The following XPR1 variants were observed in gnomAD, a reference collection of about 807,000 sequenced individuals.
XPR1 encodes the protein solute carrier family 53 member 1.
Under a neutral mutation model 87.5 loss-of-function variants are expected in XPR1, and 28 were observed. The observed-to-expected ratio is 0.32, with a 90% CI of 0.24 to 0.44. The LOEUF (loss-of-function observed/expected upper bound fraction) is 0.44, where lower values mean the gene tolerates loss of function less well. Among genes scored for constraint, XPR1 ranks in the 20% least tolerant of loss-of-function variants. The probability of loss-of-function intolerance (pLI) is 1.00; values close to 1 mark genes in which losing one functional copy is unlikely to be tolerated. For synonymous variants in XPR1, 300 were observed against 306.1 expected (o/e 0.98, Z 0.21); for missense variants, 559 against 862.3 (o/e 0.65, Z 4.41).
At chr1:180,666,166 G>A (rs1324924252) in intron 1 of XPR1, among the ~76,000 whole-genome samples, 2 of 152,174 alleles carry the variant, frequency 1.3e-5, no homozygotes, top group Admixed American at 6.6e-5. Context: ...CTTTATGTCA[G>A]TACTATACTA....
At chr1:180,766,883 A>C (rs983961634) in intron 2 of XPR1, among the ~76,000 whole-genome samples, 1 of 152,166 alleles carries the variant, frequency 6.6e-6, no homozygotes, top group Admixed American at 6.5e-5. Flanking sequence ...CAAAAGTTTT[A>C]TTCATACCCT....
Position 180,728,305 on chromosome 1 carries a change from G to C in XPR1, c.121+45894G>C, listed in dbSNP as rs1169516551. ...AAGGAGTTGTTTATAACTGGGGGGG[G>C]GGGTAGTAATGAAAACTATGTTGAT... On this transcript the variant is annotated intron_variant, in intron 2 of 14. Transcript: ENST00000367590. 8.3e-5 allele frequency among the ~76,000 whole-genome samples: 12 copies of C among 144,172 alleles called. No individual in the cohort carries two copies. In the East Asian group the frequency reaches 2.2e-3, roughly 26 times the overall value. 94.6% of individuals were successfully genotyped at this position (144,172 alleles called of 152,430 possible). A position where few individuals can be genotyped will look rare whatever the true frequency, so the allele number is the denominator to read the frequency against.
chr1:180,804,502 AT>A (rs1440062947), intron 4 of XPR1, among the ~76,000 whole-genome samples: 8 of 152,022 alleles, frequency 5.3e-5, no homozygotes, highest in South Asian at 2.1e-4. Flanking sequence ...CTTATGCACT[AT>A]TTTTTTTCTA....
chr1:180,685,412 A>G (rs1361354132), intron 2 of XPR1, among the ~76,000 whole-genome samples: 3 of 152,170 alleles, frequency 2.0e-5, no homozygotes, highest in Non-Finnish European at 4.4e-5. Flanking sequence ...GGATTTTTGC[A>G]TCGATGTTCA....
chr1:180,652,266 T>A (rs1003801018), intron 1 of XPR1, among the ~76,000 whole-genome samples: 4 of 151,930 alleles, frequency 2.6e-5, no homozygotes, highest in African/African-American at 9.7e-5. Flanking sequence ...CACTCCAGCC[T>A]AGGAGACAGA....
chr1:180,853,966 T>C (rs573565691), intron 11 of XPR1, among the ~76,000 whole-genome samples: 44 of 152,130 alleles, frequency 2.9e-4, no homozygotes, highest in Non-Finnish European at 5.6e-4. Flanking sequence ...TTAAACATCA[T>C]TGTGACACTC....
chr1:180,803,077 T>G (rs1649853897), intron 3 of XPR1, among the ~76,000 whole-genome samples: 1 of 152,226 alleles, frequency 6.6e-6, no homozygotes, highest in African/African-American at 2.4e-5. Context: ...ATCATATGTT[T>G]AACCTTTCGA....
At chr1:180,688,534 A>G (rs1285155062) in intron 2 of XPR1, among the ~76,000 whole-genome samples, 2 of 152,184 alleles carry the variant, frequency 1.3e-5, no homozygotes, top group Non-Finnish European at 2.9e-5. Context: ...TCCTGATGTC[A>G]GTGAGTATAC....
intron 2 of XPR1, among the ~76,000 whole-genome samples, chr1:180,752,100 A>G (rs1456807139): frequency 2.6e-5 from 4 of 152,172 alleles, no homozygotes; most frequent in African/African-American, 7.2e-5. Context: ...GAGTGAAAAT[A>G]TGATTGAAGC....
intron 7 of XPR1, among the ~76,000 whole-genome samples, chr1:180,812,617 G>C (rs1030483689): frequency 1.9e-4 from 28 of 151,092 alleles, no homozygotes; most frequent in Admixed American, 1.3e-3. Flanking sequence ...TCACCACCTT[G>C]GCCAGTGCCA....
intron 2 of XPR1, among the ~76,000 whole-genome samples, chr1:180,698,558 T>A (rs1657245805): frequency 1.3e-5 from 2 of 152,200 alleles, no homozygotes; most frequent in Admixed American, 1.3e-4. Context: ...TGACAACATT[T>A]GTCTCCATTT....
intron 6 of XPR1, among the ~76,000 whole-genome samples, chr1:180,809,361 G>A (rs188883798): frequency 3.0e-4 from 46 of 152,186 alleles, no homozygotes; most frequent in African/African-American, 9.9e-4. Context: ...TTTTGTAGAC[G>A]TTTATGCAGT....
At chr1:180,665,836 C>T (rs1179992428) in intron 1 of XPR1, among the ~76,000 whole-genome samples, 1 of 152,164 alleles carries the variant, frequency 6.6e-6, no homozygotes, top group Non-Finnish European at 1.5e-5. Context: ...TGTGTTTACT[C>T]AACTGATTTC....
At chr1:180,683,117 C>T (rs898726783) in intron 2 of XPR1, among the ~76,000 whole-genome samples, 5 of 136,074 alleles carry the variant, frequency 3.7e-5, no homozygotes, top group African/African-American at 1.3e-4. Context: ...TGCTATCCCT[C>T]CCCCCACCCC....
chr1:180,703,285 C>G (rs1352469052), intron 2 of XPR1, among the ~76,000 whole-genome samples: 1 of 152,082 alleles, frequency 6.6e-6, no homozygotes, highest in African/African-American at 2.4e-5. Flanking sequence ...AGTTGGCACG[C>G]TCAGACTCAA....
intron 3 of XPR1, among the ~76,000 whole-genome samples, chr1:180,796,953 A>C (rs553815274): frequency 1.3e-5 from 2 of 152,200 alleles, no homozygotes; most frequent in African/African-American, 4.8e-5. Context: ...TGAAATGTTC[A>C]GAAAAGGCAA....
chr1:180,847,406 G>A (rs1468517585), intron 11 of XPR1, among the ~76,000 whole-genome samples: 1 of 152,162 alleles, frequency 6.6e-6, no homozygotes, highest in African/African-American at 2.4e-5. Context: ...CCATCTTAGT[G>A]AAAGGCACGT....
rs1435434372 is a variant in XPR1 at position 180,833,943 on chromosome 1, A to T, written c.1135-931A>T. Among the ~76,000 whole-genome samples the T allele has an allele frequency of 2.0e-5, 3 of 152,192 alleles. No homozygotes were observed. In the South Asian group the frequency reaches 6.2e-4, roughly 31 times the overall value. ...TTAACTGTGAGTTTTTGAATCATTT[A>T]TCTGTATTTCAGTTCAGAAATACCA... On this transcript the variant is annotated intron_variant, in intron 9 of 14. Transcript: ENST00000367590.
Position 180,884,213 on chromosome 1 carries a change from C to G in XPR1, c.*147C>G. ...GCTCTTCCGGATCGGATCCTATGGA[C>G]TCCAAACAAGCTCACTGTGTTTCTT... is the stretch of plus-strand genomic sequence containing the variant. On this transcript the variant is annotated 3_prime_UTR_variant, in exon 15 of 15. Transcript: ENST00000367590. 1.8e-6 allele frequency: 1 copy of G among 542,010 alleles called. No individual in the cohort carries two copies. The allele number at this position is 542,010 out of a possible 1,614,324, so 33.6% of individuals were successfully genotyped here. A position where few individuals can be genotyped will look rare whatever the true frequency, so the allele number is the denominator to read the frequency against.
Sources: allele counts gnomAD v4.1 joint callset (sites outside exome capture counted in the v4.1 genomes callset), GRCh38; gene constraint gnomAD v4.1.1; transcripts MANE v1.5; gene names NCBI Gene and HGNC (gene_info 2026-07-23, HGNC 2026-07-21).